The following MYH9 variants were observed in gnomAD, a reference collection of about 807,000 sequenced individuals.
The protein encoded by MYH9 is myosin heavy chain 9.
Under a neutral mutation model 241.9 loss-of-function variants are expected in MYH9, and 29 were observed. The ratio of observed to expected loss-of-function variants is 0.12; its 90% confidence interval spans 0.09 to 0.16. The LOEUF is 0.16. Among genes scored for constraint, MYH9 ranks in the 10% least tolerant of loss-of-function variants. The pLI, the probability that MYH9 is intolerant of heterozygous loss-of-function variation, is 1.00. For synonymous variants in MYH9, 1,047 were observed against 1,062.6 expected (o/e 0.99, Z 0.29); for missense variants, 1,803 against 2,595.5 (o/e 0.69, Z 6.63).
chr22:36,382,888 T>C (rs1169828230), intron 1 of MYH9, among the ~76,000 whole-genome samples: 1 of 152,140 alleles, frequency 6.6e-6, no homozygotes, highest in Non-Finnish European at 1.5e-5. Context: ...GCACATAAAC[T>C]GGTATGATAT....
rs955332434 is a variant in MYH9 at position 36,282,679 on chromosome 22, G to A, written c.5872C>T (p.Pro1958Ser). Residue 1958 changes from proline (P) to serine (S), a missense_variant, in exon 41 of 41, where the codon CCT becomes TCT. Coordinates refer to ENST00000216181, the MANE Select transcript of MYH9 (RefSeq NM_002473.6). ...DGKADGAEAKPAE is the reference protein window; with the variant it reads ...DGKADGAEAKSAE Reference sequence around the variant, plus strand: ...GCAGGAGAAGAGGCTTATTCGGCAGGTTTGGCCTCAGCCCCATCCGCTTTG... The same window carrying A: ...GCAGGAGAAGAGGCTTATTCGGCAGATTTGGCCTCAGCCCCATCCGCTTTG... 15 of 1,613,954 alleles carry A rather than the reference G, an allele frequency of 9.3e-6. No individual in the cohort carries two copies. The highest frequency in any genetic ancestry group is 1.3e-5 in the Non-Finnish European group (15 of 1,180,004).
chr22:36,340,341 G>A (rs904322524), intron 3 of MYH9, among the ~76,000 whole-genome samples: 4 of 151,970 alleles, frequency 2.6e-5, no homozygotes, highest in African/African-American at 7.3e-5. Context: ...ACCAGCTGGT[G>A]GAAGCACAGG....
chr22:36,313,492 AG>A (rs1383708415), intron 13 of MYH9, among the ~76,000 whole-genome samples: 1 of 150,660 alleles, frequency 6.6e-6, no homozygotes, highest in Non-Finnish European at 1.5e-5. Flanking sequence ...ACCCAGACAC[AG>A]GAACAGCTCA....
intron 19 of MYH9, among the ~76,000 whole-genome samples, chr22:36,302,980 G>A (rs1298909503): frequency 6.6e-6 from 1 of 152,186 alleles, no homozygotes; most frequent in Non-Finnish European, 1.5e-5. Context: ...CTCAGTGTGG[G>A]GACTGAGCGT....
At chr22:36,319,442 A>C in intron 10 of MYH9, 98 bp downstream of exon 10, 2 of 1,115,326 alleles carry the variant, frequency 1.8e-6, no homozygotes, top group Non-Finnish European at 2.7e-6. Context: ...AACATTAAAA[A>C]GAATAGTGTC....
At chr22:36,354,748 T>C (rs1223021859) in intron 1 of MYH9, among the ~76,000 whole-genome samples, 1 of 152,000 alleles carries the variant, frequency 6.6e-6, no homozygotes, top group Non-Finnish European at 1.5e-5. Context: ...CCGGCCGTAG[T>C]GTACCACCAC....
chr22:36,322,769 G>A (rs568300458), intron 5 of MYH9, among the ~76,000 whole-genome samples: 6 of 152,222 alleles, frequency 3.9e-5, no homozygotes, highest in Admixed American at 2.6e-4. Flanking sequence ...CCCTGGAAAC[G>A]GCAGGCAGGA....
At chr22:36,354,568 C>T (rs1333437638) in intron 1 of MYH9, among the ~76,000 whole-genome samples, 4 of 151,630 alleles carry the variant, frequency 2.6e-5, no homozygotes, top group African/African-American at 9.7e-5. Context: ...TGCAGCCTCC[C>T]GAGTAGCTGG....
At chr22:36,369,147 AG>A (rs1210755389) in intron 1 of MYH9, among the ~76,000 whole-genome samples, 1 of 152,186 alleles carries the variant, frequency 6.6e-6, no homozygotes, top group African/African-American at 2.4e-5. Context: ...AGTCAATGGC[AG>A]GAGGGATTTT....
Position 36,320,543 on chromosome 22 carries a change from G to A in MYH9, c.869-180C>T, listed in dbSNP as rs567013840. Among the ~76,000 whole-genome samples the A allele has an allele frequency of 3.9e-5, 6 of 152,292 alleles. No homozygotes were observed. Among genetic ancestry groups the A allele is most frequent in the Non-Finnish European group, 5.9e-5 (4 of 68,020 alleles). On this transcript the variant is annotated intron_variant, in intron 8 of 40. Coordinates refer to ENST00000216181, the MANE Select transcript of MYH9 (RefSeq NM_002473.6). The surrounding 1 kb of genome is among the most constrained non-coding windows in gnomAD (Gnocchi z 4.8). ...CAGTGTCTGAGACTCTGACACTCCC[G>A]TCTCCTGGCCCAGGAGAGCGCCAGG...
chr22:36,342,141 C>T (rs1053525357), intron 2 of MYH9, among the ~76,000 whole-genome samples: 4 of 152,216 alleles, frequency 2.6e-5, no homozygotes, highest in South Asian at 4.1e-4. Flanking sequence ...TCACGTCCCC[C>T]GTGAGCCTTC....
chr22:36,367,474 A>C (rs573117758), intron 1 of MYH9, among the ~76,000 whole-genome samples: 1 of 152,356 alleles, frequency 6.6e-6, no homozygotes, highest in East Asian at 1.9e-4. Context: ...GAAGCATCCC[A>C]GAGCCTCCTG....
At position 36,288,595 on chromosome 22, in the gene MYH9, G is replaced by A; in HGVS notation, c.4770+132C>T. The A allele has an allele frequency of 7.5e-7, 1 of 1,334,118 alleles. No homozygotes were observed. Among genetic ancestry groups the A allele is most frequent in the Non-Finnish European group, 1.1e-6 (1 of 942,112 alleles). The allele number at this position is 1,334,118 out of a possible 1,614,324, so 82.6% of individuals were successfully genotyped here. ...CACTGAACCCCGAGACAGGAGGCTA[G>A]AAAGAAGGAATATGGGAGGGGAGGC... On this transcript the variant is annotated intron_variant, in intron 33 of 40. Coordinates refer to ENST00000216181, the MANE Select transcript of MYH9 (RefSeq NM_002473.6). The surrounding 1 kb of genome is among the most constrained non-coding windows in gnomAD (Gnocchi z 4.8).
chr22:36,383,286 G>A (rs376375198), intron 1 of MYH9, among the ~76,000 whole-genome samples: 2 of 152,146 alleles, frequency 1.3e-5, no homozygotes, highest in African/African-American at 4.8e-5. Flanking sequence ...TTGGAAGTAA[G>A]GTCTCCAGTC....
chr22:36,342,310 T>TAA, intron 2 of MYH9, among the ~76,000 whole-genome samples: 1 of 152,282 alleles, frequency 6.6e-6, no homozygotes, highest in East Asian at 1.9e-4. Context: ...GTAAGGTTCT[T>TAA]AACCTCTCTC....
chr22:36,321,617 A>G, intron 7 of MYH9, 141 bp downstream of exon 7: 1 of 831,922 alleles, frequency 1.2e-6, no homozygotes, highest in South Asian at 1.3e-5. Flanking sequence ...CGATCCTGAC[A>G]GTCCCCTAGC....
chr22:36,370,112 T>C (rs1474942650), intron 1 of MYH9, among the ~76,000 whole-genome samples: 2 of 152,246 alleles, frequency 1.3e-5, no homozygotes, highest in African/African-American at 2.4e-5. Context: ...CAAAACCCTC[T>C]GTGGCATTTA....
chr22:36,289,037 C>T, intron 32 of MYH9, 48 bp downstream of exon 32: 1 of 1,613,280 alleles, frequency 6.2e-7, no homozygotes, highest in Non-Finnish European at 8.5e-7. Context: ...TCTGTGATGA[C>T]CCCACTCGGG....
chr22:36,282,821 C>CCGGCCAGGCCAGGGGCGGCCA (rs2016515375), intron 40 of MYH9, 36 bp from the exon 41 acceptor site: 1 of 1,573,016 alleles, frequency 6.4e-7, no homozygotes, highest in Non-Finnish European at 8.6e-7. Flanking sequence ...GTCAGCGGGC[C>CCGGCCAGGCCAGGGGCGGCCA]CGGCCAGGCC....
Sources: gnomAD v4.1 joint callset for allele counts (sites outside exome capture counted in the v4.1 genomes callset) on GRCh38, gnomAD v4.1.1 for gene constraint, Gnocchi (gnomAD v3.1) non-coding constraint, MANE v1.5 for transcripts, NCBI Gene and HGNC (gene_info 2026-07-23, HGNC 2026-07-21) for gene names.